TNFRSF10D: variants seen among roughly 807,000 people sequenced by gnomAD.
TNFRSF10D encodes tumor necrosis factor receptor superfamily member 10D.
Under a neutral mutation model 42.1 loss-of-function variants are expected in TNFRSF10D, and 28 were observed. The observed-to-expected ratio is 0.66, with a 90% confidence interval of 0.49 to 0.91. The LOEUF (loss-of-function observed/expected upper bound fraction) is 0.91, where lower values mean the gene tolerates loss of function less well. Ranked by LOEUF, TNFRSF10D falls within the 40% of genes least tolerant of loss-of-function variation. The pLI is 0.00. For synonymous variants in TNFRSF10D, 186 were observed against 189.4 expected, an observed-to-expected ratio of 0.98 and a Z score of 0.15; for missense variants, 503 against 486.1, an observed-to-expected ratio of 1.03 and a Z score of -0.33.
In TNFRSF10D at chr8:23,155,849, GAC is replaced by G. The variant is rs529240653; in HGVS notation, c.151-872_151-871del. Among the ~76,000 whole-genome samples the G allele has an allele frequency of 2.4e-3, 355 of 149,894 alleles. 3 individuals carry two copies. The highest frequency in any genetic ancestry group is 8.2e-3 in the African/African-American group (336 of 40,854). On this transcript the variant is annotated intron_variant, in intron 1 of 8. Transcript: ENST00000312584. ...TCTCTCTCTCTCTCGCACACACACAGACACACACATAAAAATACACATTTTTA... is the reference window on the plus strand; with the variant it reads ...TCTCTCTCTCTCTCGCACACACACAGACACACATAAAAATACACATTTTTA...
At chr8:23,140,683 T>C (rs114915462) in intron 7 of TNFRSF10D, among the ~76,000 whole-genome samples, 943 of 152,234 alleles carry the variant, frequency 6.2e-3, no homozygotes, top group African/African-American at 0.019. Flanking sequence ...GTTTTTCCAG[T>C]TCTGTTCTTG....
intron 4 of TNFRSF10D, among the ~76,000 whole-genome samples, chr8:23,146,260 C>G (rs918979724): frequency 3.3e-5 from 5 of 152,236 alleles, no homozygotes; most frequent in African/African-American, 1.2e-4. Flanking sequence ...TGGCCACAAG[C>G]TGAGCCCCTT....
rs1814360089 is a variant in TNFRSF10D at position 23,137,747 on chromosome 8, C to A, written c.*123G>T. On this transcript the variant is annotated 3_prime_UTR_variant, in exon 9 of 9. Coordinates refer to ENST00000312584, the MANE Select transcript of TNFRSF10D (RefSeq NM_003840.5). ...AGTTCTAGGACCATTGGTAAGCTGCCCCATATTGGATAGTAGAGTTTGTTG... is the reference window on the plus strand; with the variant it reads ...AGTTCTAGGACCATTGGTAAGCTGCACCATATTGGATAGTAGAGTTTGTTG... The A allele has an allele frequency of 1.5e-6, 2 of 1,312,920 alleles. No individual in the cohort carries two copies. The highest frequency in any genetic ancestry group is 1.5e-5 in the African/African-American group (1 of 67,778). 81.3% of individuals were successfully genotyped at this position (1,312,920 alleles called of 1,614,324 possible). A position where few individuals can be genotyped will look rare whatever the true frequency, so the allele number is the denominator to read the frequency against.
At chr8:23,162,354 C>A (rs1800378924) in intron 1 of TNFRSF10D, among the ~76,000 whole-genome samples, 1 of 152,222 alleles carries the variant, frequency 6.6e-6, no homozygotes, top group African/African-American at 2.4e-5. Context: ...CTTCTAGCTG[C>A]CTCAGGTAGG....
chr8:23,145,126 G>T (rs1800096680), intron 5 of TNFRSF10D, 37 bp from the exon 6 acceptor site: 4 of 1,613,090 alleles, frequency 2.5e-6, no homozygotes, highest in Non-Finnish European at 3.4e-6. Flanking sequence ...GGCGGGGAGG[G>T]GCCCATGCAG....
chr8:23,138,230 T>G lies in TNFRSF10D; in HGVS notation c.985A>C (p.Arg329=). The G allele has an allele frequency of 6.2e-7, 1 of 1,614,218 alleles. No homozygotes were observed. Among genetic ancestry groups the G allele is most frequent in the Non-Finnish European group, 8.5e-7 (1 of 1,180,032 alleles). ...EQAEAEGCQR[R]RLLVPVNDAD... is the part of the protein sequence containing the mutation. ...TCATTCACTGGAACCAGCAGCCTCCTCCTCTGACACCCTTCAGCTTCTGCC... is the reference window on the plus strand; with the variant it reads ...TCATTCACTGGAACCAGCAGCCTCCGCCTCTGACACCCTTCAGCTTCTGCC... Residue 329 remains arginine, a synonymous_variant, in exon 8 of 9, where the codon AGG becomes CGG. Coordinates refer to ENST00000312584, the MANE Select transcript of TNFRSF10D (RefSeq NM_003840.5).
chr8:23,147,143 A>G (rs546919951), intron 3 of TNFRSF10D, 71 bp from the exon 4 acceptor site: 2 of 1,281,784 alleles, frequency 1.6e-6, no homozygotes, highest in Non-Finnish European at 2.3e-6. Flanking sequence ...TCACCACCCC[A>G]TCCCCTCCCA....
intron 7 of TNFRSF10D, among the ~76,000 whole-genome samples, chr8:23,140,990 A>G (rs1814457272): frequency 6.6e-5 from 10 of 152,134 alleles, no homozygotes; most frequent in Admixed American, 6.6e-4. Context: ...CGAAAACTAG[A>G]CCCCTACTTT....
chr8:23,144,607 G>A lies in TNFRSF10D; in HGVS notation c.797C>T (p.Ser266Leu). Residue 266 changes from serine to leucine, a missense_variant, in exon 7 of 9, where the codon TCA becomes TTA. Coordinates refer to ENST00000312584, the MANE Select transcript of TNFRSF10D (RefSeq NM_003840.5). ...ATTGTCCTCCGCCCCAGGAACTCGT[G>A]AAGGACATGAACGCCGCCGGAAAAG... Reference protein sequence around the residue: ...RVLFRRRSCPSRVPGAEDNAR... With the variant: ...RVLFRRRSCPLRVPGAEDNAR... 1 of 1,614,110 alleles carries A rather than the reference G, an allele frequency of 6.2e-7. No homozygotes were observed. The highest frequency in any genetic ancestry group is 8.5e-7 in the Non-Finnish European group (1 of 1,179,994).
chr8:23,144,779 C>G (rs574802875), intron 6 of TNFRSF10D, 144 bp from the exon 7 acceptor site: 2 of 1,078,590 alleles, frequency 1.9e-6, no homozygotes, highest in East Asian at 5.2e-5. Context: ...GGACCCCATG[C>G]TGAGGTGGGT....
chr8:23,154,904 G>T lies in TNFRSF10D; in HGVS notation c.226C>A (p.Arg76Ser), dbSNP rs745839219. 1 of 1,613,774 alleles carries T rather than the reference G, an allele frequency of 6.2e-7. No homozygotes were observed. Among genetic ancestry groups the T allele is most frequent in the Admixed American group, 1.7e-5 (1 of 59,966 alleles). ...QQTVAPQQQR[R>S]SLKEEECPAG... ...GGACACTCCTCCTCCTTGAGGCTGC[G>T]CCTCTGTTGCTGTGGGGCCACTGTC... The change falls in exon 2 of 9, where the codon CGC becomes AGC. Residue 76 changes from arginine (R) to serine (S), a missense_variant. Coordinates refer to ENST00000312584, the MANE Select transcript of TNFRSF10D (RefSeq NM_003840.5).
intron 7 of TNFRSF10D, among the ~76,000 whole-genome samples, chr8:23,139,677 T>C (rs111759682): frequency 9.2e-5 from 14 of 152,214 alleles, no homozygotes; most frequent in African/African-American, 2.4e-4. Flanking sequence ...GAAGTCCTAG[T>C]CAGAGCACTC....
chr8:23,138,646 A>G (rs1032595138), intron 7 of TNFRSF10D, among the ~76,000 whole-genome samples: 3 of 152,192 alleles, frequency 2.0e-5, no homozygotes, highest in Non-Finnish European at 4.4e-5. Context: ...TCGGCAGACT[A>G]TATATGAGAG....
chr8:23,161,157 G>T (rs1031083242), intron 1 of TNFRSF10D, among the ~76,000 whole-genome samples: 5 of 152,208 alleles, frequency 3.3e-5, no homozygotes, highest in Non-Finnish European at 7.3e-5. Context: ...GCCCTCTGAG[G>T]TTTACACAGG....
chr8:23,149,399 A>G lies in TNFRSF10D; in HGVS notation c.257-848T>C, dbSNP rs184807895. Reference sequence around the variant, plus strand: ...ATTACAGGCACCCACCACCACGCCCAGCTAATTTTTTGTATTCTTAGTTGA... The same window carrying G: ...ATTACAGGCACCCACCACCACGCCCGGCTAATTTTTTGTATTCTTAGTTGA... On this transcript the variant is annotated intron_variant, in intron 2 of 8. Coordinates refer to ENST00000312584, the MANE Select transcript of TNFRSF10D (RefSeq NM_003840.5). 3.2e-3 allele frequency among the ~76,000 whole-genome samples: 479 copies of G among 151,084 alleles called. 4 individuals carry two copies. In the East Asian group the frequency reaches 0.036, roughly 11 times the overall value.
intron 7 of TNFRSF10D, among the ~76,000 whole-genome samples, chr8:23,140,716 G>A (rs1010884983): frequency 1.3e-5 from 2 of 152,194 alleles, no homozygotes; most frequent in Non-Finnish European, 2.9e-5. Flanking sequence ...AGACTCACAA[G>A]AGCTGATGGT....
intron 2 of TNFRSF10D, among the ~76,000 whole-genome samples, chr8:23,153,231 TA>T (rs1049176286): frequency 4.2e-4 from 64 of 152,246 alleles, no homozygotes; most frequent in African/African-American, 1.4e-3. Context: ...CAACATGGAC[TA>T]AAGATTAAAC....
chr8:23,136,319 G>T lies in TNFRSF10D; in HGVS notation c.*1551C>A. On this transcript the variant is annotated 3_prime_UTR_variant, in exon 9 of 9. Coordinates refer to ENST00000312584, the MANE Select transcript of TNFRSF10D (RefSeq NM_003840.5). ...AGTGTTTAAGAATTGATATCTCTGA[G>T]ATGAGTCAGATGCTTACAGAGGGGC... 4.5e-6 allele frequency: 1 copy of T among 220,530 alleles called. No homozygotes were observed. The highest frequency in any genetic ancestry group is 9.1e-6 in the Non-Finnish European group (1 of 109,798). The allele number at this position is 220,530 out of a possible 1,614,324, so 13.7% of individuals were successfully genotyped here.
In TNFRSF10D at chr8:23,144,626, G is replaced by A. The variant is rs1280866907; in HGVS notation, c.778C>T (p.Arg260Trp). 1.5e-5 allele frequency: 25 copies of A among 1,613,478 alleles called. No individual in the cohort carries two copies. The highest frequency in any genetic ancestry group is 2.7e-5 in the African/African-American group (2 of 75,012). The change falls in exon 7 of 9, where the codon CGG becomes TGG. Residue 260 changes from arginine to tryptophan, a missense_variant. Arg to Trp is a moderately radical substitution (Grantham distance 101). Coordinates refer to ENST00000312584, the MANE Select transcript of TNFRSF10D (RefSeq NM_003840.5). The part of the protein sequence containing the change: ...GPERVHRVLF[R>W]RRSCPSRVPG... ...ACTCGTGAAGGACATGAACGCCGCCGGAAAAGGACCTTGGGAAGACAAAGA... is the reference window on the plus strand; with the variant it reads ...ACTCGTGAAGGACATGAACGCCGCCAGAAAAGGACCTTGGGAAGACAAAGA...
Sources: gnomAD v4.1 joint callset for allele counts (sites outside exome capture counted in the v4.1 genomes callset) on GRCh38, gnomAD v4.1.1 for gene constraint, MANE v1.5 for transcripts, NCBI Gene and HGNC (gene_info 2026-07-23, HGNC 2026-07-21) for gene names.